Variants in PPP4R3A observed in about 807,000 individuals in gnomAD.
PPP4R3A encodes the protein serine/threonine-protein phosphatase 4 regulatory subunit 3A.
In PPP4R3A, 15 loss-of-function variants were observed where a neutral mutation model predicts 91.7. The observed-to-expected ratio is 0.16, with a 90% CI of 0.11 to 0.25. PPP4R3A has a LOEUF of 0.25. Ranked by LOEUF, PPP4R3A falls within the 10% of genes least tolerant of loss-of-function variation. The probability of loss-of-function intolerance (pLI) is 1.00; values close to 1 mark genes in which losing one functional copy is unlikely to be tolerated. For synonymous variants in PPP4R3A, 377 were observed against 348.7 expected, an observed-to-expected ratio of 1.08 and a Z score of -0.91; for missense variants, 623 against 998.4, an observed-to-expected ratio of 0.62 and a Z score of 5.07.
intron 3 of PPP4R3A, among the ~76,000 whole-genome samples, chr14:91,482,640 C>G: frequency 6.6e-6 from 1 of 152,148 alleles, no homozygotes; most frequent in East Asian, 1.9e-4. Context: ...ATATTTAACT[C>G]TGAGGTGAAG....
chr14:91,472,458 G>T (rs76666429), intron 9 of PPP4R3A, among the ~76,000 whole-genome samples: 214 of 133,100 alleles, frequency 1.6e-3, no homozygotes, highest in Middle Eastern at 8.0e-3. Context: ...CAGGAAAATT[G>T]TTTTTTTTTT....
intron 14 of PPP4R3A, 134 bp downstream of exon 14, chr14:91,461,247 G>T: frequency 1.3e-6 from 1 of 769,530 alleles, no homozygotes. Flanking sequence ...AAGCGGTGGG[G>T]GGGACTCATC....
At chr14:91,490,575 T>C (rs1890177550) in intron 2 of PPP4R3A, among the ~76,000 whole-genome samples, 172 bp downstream of exon 2, 1 of 152,192 alleles carries the variant, frequency 6.6e-6, no homozygotes, top group South Asian at 2.1e-4. Flanking sequence ...GCTTTTTAAA[T>C]TTAAAATTAT....
chr14:91,507,169 A>C (rs1273475363), intron 1 of PPP4R3A, among the ~76,000 whole-genome samples: 3 of 151,602 alleles, frequency 2.0e-5, no homozygotes, highest in African/African-American at 7.3e-5. Context: ...AAATACAAAA[A>C]AATTAGCCAG....
intron 1 of PPP4R3A, among the ~76,000 whole-genome samples, chr14:91,507,802 T>C (rs566383693): frequency 1.3e-5 from 2 of 152,032 alleles, no homozygotes; most frequent in South Asian, 2.1e-4. Flanking sequence ...ATTTTTAATA[T>C]GGATTTCAAT....
At chr14:91,480,799 G>C (rs1295486257) in intron 4 of PPP4R3A, among the ~76,000 whole-genome samples, 1 of 152,176 alleles carries the variant, frequency 6.6e-6, no homozygotes, top group Non-Finnish European at 1.5e-5. Context: ...ACTTTGCAAG[G>C]CTAAGGTGGG....
intron 1 of PPP4R3A, among the ~76,000 whole-genome samples, chr14:91,498,831 A>G (rs1032222267): frequency 6.7e-6 from 1 of 149,904 alleles, no homozygotes; most frequent in Non-Finnish European, 1.5e-5. Context: ...GGAGAATTGC[A>G]TGAACCCGGG....
chr14:91,493,433 C>T (rs1197126330), intron 1 of PPP4R3A, among the ~76,000 whole-genome samples: 5 of 150,630 alleles, frequency 3.3e-5, no homozygotes, highest in Non-Finnish European at 5.9e-5. Flanking sequence ...CTCAAGACTA[C>T]AGTGAGCCAT....
intron 1 of PPP4R3A, among the ~76,000 whole-genome samples, chr14:91,492,071 G>A (rs538125610): frequency 2.0e-5 from 3 of 152,206 alleles, no homozygotes; most frequent in Admixed American, 6.5e-5. Flanking sequence ...GTAAGGACTG[G>A]GTAACAATAG....
In PPP4R3A at chr14:91,461,461, A is replaced by T; in HGVS notation, c.2311T>A (p.Ser771Thr). 2 of 1,614,150 alleles carry T rather than the reference A, an allele frequency of 1.2e-6. No individual in the cohort carries two copies. The highest frequency in any genetic ancestry group is 1.7e-6 in the Non-Finnish European group (2 of 1,180,006). ...STTNLPGSPG[S>T]PGSPGSPGSP... ...CCTGGAGATCCTGGGGATCCAGGTG[A>T]TCCCGGAGAACCAGGCAGATTTGTT... Residue 771 changes from serine to threonine, a missense_variant, in exon 14 of 15, where the codon TCA becomes ACA. Ser to Thr is a moderately conservative substitution (Grantham distance 58). Coordinates refer to ENST00000554943, the MANE Select transcript of PPP4R3A (RefSeq NM_001366432.2).
intron 4 of PPP4R3A, 104 bp from the exon 5 acceptor site, chr14:91,477,090 G>A: frequency 1.3e-6 from 1 of 770,118 alleles, no homozygotes; most frequent in Non-Finnish European, 1.9e-6. Flanking sequence ...AAAAAGGAAA[G>A]GTGGTATTGG....
At chr14:91,461,637 C>A (rs771099636) in intron 13 of PPP4R3A, 30 bp from the exon 14 acceptor site, 1 of 1,593,470 alleles carries the variant, frequency 6.3e-7, no homozygotes, top group South Asian at 1.1e-5. Flanking sequence ...CAATAGTCGT[C>A]CCCCATACTT....
intron 3 of PPP4R3A, among the ~76,000 whole-genome samples, chr14:91,484,411 T>A (rs1043666557): frequency 2.0e-5 from 3 of 152,160 alleles, no homozygotes; most frequent in African/African-American, 7.2e-5. Flanking sequence ...TGCCACCTGT[T>A]TTTGTAAATA....
At position 91,459,055 on chromosome 14, in the gene PPP4R3A, T is replaced by C. The variant is rs552569779; in HGVS notation, c.2392-186A>G. On this transcript the variant is annotated intron_variant, in intron 14 of 14. Coordinates refer to ENST00000554943, the MANE Select transcript of PPP4R3A (RefSeq NM_001366432.2). Reference sequence around the variant, plus strand: ...TTTTCTAAATTTCCTGTAATAAACATGCATACTTTTTTACAATAAGGGAAA... The same window carrying C: ...TTTTCTAAATTTCCTGTAATAAACACGCATACTTTTTTACAATAAGGGAAA... 3.9e-5 allele frequency among the ~76,000 whole-genome samples: 6 copies of C among 152,282 alleles called. No homozygotes were observed. In the East Asian group the frequency reaches 1.2e-3, roughly 29 times the overall value.
rs1555437116 is a variant in PPP4R3A at position 91,491,248 on chromosome 14, TAG to T, written c.143-448_143-447del. Among the ~76,000 whole-genome samples, 5 of 151,766 alleles carry T rather than the reference TAG, an allele frequency of 3.3e-5. No homozygotes were observed. In the South Asian group the frequency reaches 6.2e-4, roughly 19 times the overall value. On this transcript the variant is annotated intron_variant, in intron 1 of 14. Coordinates refer to ENST00000554943, the MANE Select transcript of PPP4R3A (RefSeq NM_001366432.2). ...AATATTTTTTCACTTTTTGTAGAGA[TAG>T]AGTCTCGCTATGTTGCCCAGGCTGG...
chr14:91,487,125 C>CT (rs922595951), intron 2 of PPP4R3A, among the ~76,000 whole-genome samples: 5 of 151,482 alleles, frequency 3.3e-5, no homozygotes, highest in Non-Finnish European at 5.9e-5. Flanking sequence ...TGGCGGATGC[C>CT]TGTAATCCCA....
At chr14:91,498,184 A>G (rs146530413) in intron 1 of PPP4R3A, among the ~76,000 whole-genome samples, 12 of 152,164 alleles carry the variant, frequency 7.9e-5, no homozygotes, top group Non-Finnish European at 1.5e-4. Context: ...AAAATATAAA[A>G]ATTAGCTGGG....
At position 91,506,188 on chromosome 14, in the gene PPP4R3A, C is replaced by T. The variant is rs1296611780; in HGVS notation, c.142+3318G>A. On this transcript the variant is annotated intron_variant, in intron 1 of 14. Transcript: ENST00000554943. ...GGTCTCGATCTCCTGACCTTGTGATCTGCCCGCCTTGGCCTCCCTAAGTGA... is the reference window on the plus strand; with the variant it reads ...GGTCTCGATCTCCTGACCTTGTGATTTGCCCGCCTTGGCCTCCCTAAGTGA... 1.7e-4 allele frequency among the ~76,000 whole-genome samples: 26 copies of T among 152,206 alleles called. 1 individual carries two copies. Among genetic ancestry groups the T allele is most frequent in the Admixed American group, 1.7e-3 (26 of 15,280 alleles).
chr14:91,503,429 T>A (rs1015609800), intron 1 of PPP4R3A, among the ~76,000 whole-genome samples: 1 of 152,086 alleles, frequency 6.6e-6, no homozygotes, highest in African/African-American at 2.4e-5. Context: ...GGACTACAGG[T>A]GTTTAACACC....
Sources: allele counts gnomAD v4.1 joint callset (sites outside exome capture counted in the v4.1 genomes callset), GRCh38; gene constraint gnomAD v4.1.1; transcripts MANE v1.5; gene names NCBI Gene and HGNC (gene_info 2026-07-23, HGNC 2026-07-21).